TRIM9: variants seen among roughly 807,000 people sequenced by gnomAD.
The protein encoded by TRIM9 is E3 ubiquitin-protein ligase TRIM9.
A neutral mutation model predicts 78.3 loss-of-function variants in TRIM9; 26 were observed. The ratio of observed to expected loss-of-function variants is 0.33; its 90% CI spans 0.24 to 0.46. The LOEUF is 0.46. TRIM9 is among the 20% of genes least tolerant of loss of function. TRIM9 has a pLI of 1.00. For synonymous variants in TRIM9, 398 were observed against 416.5 expected, an observed-to-expected ratio of 0.96 and a Z score of 0.54; for missense variants, 787 against 1,036.4, an observed-to-expected ratio of 0.76 and a Z score of 3.30.
rs2051114893 is a variant in TRIM9 at position 50,976,699 on chromosome 14, T to C, written c.*592A>G. On this transcript the variant is annotated 3_prime_UTR_variant, in exon 13 of 13. Coordinates refer to ENST00000684578, the MANE Select transcript of TRIM9 (RefSeq NM_001387360.1). The stretch of plus-strand genomic sequence containing the variant: ...CCCTGATGTGAACCTGTGTAGCGGA[T>C]ATTTTTGTGCTTCAATGAGTAGTAA... The C allele has an allele frequency of 6.6e-6, 1 of 152,670 alleles. No individual in the cohort carries two copies. Among genetic ancestry groups the C allele is most frequent in the Non-Finnish European group, 1.5e-5 (1 of 68,044 alleles). 9.5% of individuals were successfully genotyped at this position (152,670 alleles called of 1,614,324 possible).
At chr14:51,040,182 T>A (rs1167795772) in intron 1 of TRIM9, among the ~76,000 whole-genome samples, 1 of 152,234 alleles carries the variant, frequency 6.6e-6, no homozygotes, top group African/African-American at 2.4e-5. Flanking sequence ...TCGGATGGTC[T>A]TATATTTTCA....
chr14:51,057,349 T>C (rs1473883741), intron 1 of TRIM9, among the ~76,000 whole-genome samples: 3 of 152,202 alleles, frequency 2.0e-5, no homozygotes, highest in African/African-American at 7.2e-5. Context: ...AATTACCAAA[T>C]TACCAAAGTA....
chr14:51,060,472 CT>C (rs990583157), intron 1 of TRIM9, among the ~76,000 whole-genome samples: 1 of 149,530 alleles, frequency 6.7e-6, no homozygotes, highest in Non-Finnish European at 1.5e-5. Flanking sequence ...TATTCATTCT[CT>C]TTTTTTTTTC....
At chr14:51,093,747 C>T (rs1394079355) in intron 1 of TRIM9, among the ~76,000 whole-genome samples, 3 of 152,364 alleles carry the variant, frequency 2.0e-5, no homozygotes, top group African/African-American at 7.2e-5. Flanking sequence ...CTCGAGCGTG[C>T]CTAGCGGCCC....
rs570626049 is a variant in TRIM9 at position 50,997,501 on chromosome 14, G to A, written c.1603+549C>T. ...ACGGCCTCCGCTTTGGGTATGAAACGGAGGCAGTCTAAGTGGGTAAGCCAG... is the reference window on the plus strand; with the variant it reads ...ACGGCCTCCGCTTTGGGTATGAAACAGAGGCAGTCTAAGTGGGTAAGCCAG... On this transcript the variant is annotated intron_variant, in intron 7 of 12. Transcript: ENST00000684578. 158 of 985,768 alleles carry A rather than the reference G, an allele frequency of 1.6e-4. 3 individuals are homozygous for A. The South Asian group carries it at 4.6e-3, about 28-fold the overall frequency. The allele number at this position is 985,768 out of a possible 1,614,324, so 61.1% of individuals were successfully genotyped here. A position where few individuals can be genotyped will look rare whatever the true frequency, so the allele number is the denominator to read the frequency against.
chr14:51,077,068 C>T (rs2062847941), intron 1 of TRIM9, among the ~76,000 whole-genome samples: 1 of 152,212 alleles, frequency 6.6e-6, no homozygotes, highest in African/African-American at 2.4e-5. Flanking sequence ...CTGCCATGCT[C>T]ATTCTATTTC....
At chr14:51,027,990 G>A (rs1566593860) in intron 1 of TRIM9, among the ~76,000 whole-genome samples, 1 of 152,176 alleles carries the variant, frequency 6.6e-6, no homozygotes, top group Admixed American at 6.5e-5. Context: ...CTGGTGTCTT[G>A]TATTCCAACC....
At chr14:51,088,584 C>T (rs1416801381) in intron 1 of TRIM9, among the ~76,000 whole-genome samples, 1 of 152,000 alleles carries the variant, frequency 6.6e-6, no homozygotes, top group Non-Finnish European at 1.5e-5. Context: ...TTCAGGACCT[C>T]CCTGTCTGGC....
intron 1 of TRIM9, among the ~76,000 whole-genome samples, chr14:51,070,813 T>C (rs935296314): frequency 6.6e-5 from 10 of 152,234 alleles, no homozygotes; most frequent in African/African-American, 2.2e-4. Context: ...ACTATTCCTG[T>C]TATTCCTGTG....
At chr14:51,037,873 T>C (rs1371696700) in intron 1 of TRIM9, among the ~76,000 whole-genome samples, 1 of 152,132 alleles carries the variant, frequency 6.6e-6, no homozygotes, top group Admixed American at 6.5e-5. Flanking sequence ...TCTTGTTACA[T>C]GTACACCATT....
Position 50,979,376 on chromosome 14 carries a change from A to G in TRIM9, c.2325+11T>C, listed in dbSNP as rs199645165. On this transcript the variant is annotated intron_variant, in intron 12 of 12. Transcript: ENST00000684578. ...GCAACAGCTGTTTAACCTCAGGGGC[A>G]GGGTGCTTACCTGCACGTTCCTGTT... 3 of 1,614,198 alleles carry G rather than the reference A, an allele frequency of 1.9e-6. No individual in the cohort carries two copies. In the East Asian group the frequency reaches 6.7e-5, roughly 36 times the overall value.
chr14:51,053,609 T>TTA (rs2060641467), intron 1 of TRIM9, among the ~76,000 whole-genome samples: 1 of 136,850 alleles, frequency 7.3e-6, no homozygotes, highest in African/African-American at 2.7e-5. Context: ...TTTTTTTTTT[T>TTA]ATTATACTCT....
intron 7 of TRIM9, chr14:50,996,186 T>G: frequency 1.0e-6 from 1 of 984,980 alleles, no homozygotes; most frequent in Non-Finnish European, 1.2e-6. Context: ...ACATACCTTA[T>G]ATTTGTACAC....
intron 5 of TRIM9, 69 bp from the exon 6 acceptor site, chr14:51,000,909 G>T (rs2054897893): frequency 6.3e-7 from 1 of 1,576,324 alleles, no homozygotes; most frequent in Admixed American, 1.7e-5. Context: ...AGAATGACAA[G>T]CATCCCCCTG....
chr14:51,094,480 C>T lies in TRIM9; in HGVS notation c.460G>A (p.Val154Ile). The stretch of plus-strand genomic sequence containing the variant: ...TTGCTCTGCTGGTAGCGGTCAATTA[C>T]CCCTTCCAGTACGCGATTCTTGGGG... The part of the protein sequence containing the change: ...GFPKNRVLEG[V>I]IDRYQQSKAA... The change falls in exon 1 of 13, where the codon GTA becomes ATA. Residue 154 changes from valine (V) to isoleucine (I), a missense_variant. Physicochemically the swap from Val to Ile is conservative, Grantham distance 29. Around this residue, in one of 3 missense-constraint regions of TRIM9, gnomAD observed 352 missense variants for 472.3 expected, o/e 0.75. Transcript: ENST00000684578. 3.7e-6 allele frequency: 6 copies of T among 1,613,810 alleles called. No homozygotes were observed. Among genetic ancestry groups the T allele is most frequent in the Non-Finnish European group, 5.1e-6 (6 of 1,179,970 alleles).
chr14:51,040,949 T>C (rs1331751142), intron 1 of TRIM9, among the ~76,000 whole-genome samples: 1 of 152,254 alleles, frequency 6.6e-6, no homozygotes, highest in Non-Finnish European at 1.5e-5. Flanking sequence ...ATAGCTTCTA[T>C]AATAGATTTA....
At chr14:51,059,802 A>AC (rs1228185758) in intron 1 of TRIM9, among the ~76,000 whole-genome samples, 5 of 151,674 alleles carry the variant, frequency 3.3e-5, no homozygotes, top group African/African-American at 7.2e-5. Flanking sequence ...TGTCTCAAAA[A>AC]AAAAAAAACA....
intron 1 of TRIM9, among the ~76,000 whole-genome samples, chr14:51,062,697 G>C (rs766906505): frequency 3.3e-5 from 5 of 152,208 alleles, no homozygotes; most frequent in Non-Finnish European, 5.9e-5. Context: ...GAAATTGAGA[G>C]GGGAATCCTT....
At chr14:51,041,524 A>G (rs2059577436) in intron 1 of TRIM9, among the ~76,000 whole-genome samples, 1 of 152,226 alleles carries the variant, frequency 6.6e-6, no homozygotes, top group Non-Finnish European at 1.5e-5. Flanking sequence ...ATCTCATAGC[A>G]AATGACAAGG....
Sources: gnomAD v4.1 joint callset for allele counts (sites outside exome capture counted in the v4.1 genomes callset) on GRCh38, gnomAD v4.1.1 for gene constraint, gnomAD v4.1.1 regional missense constraint, MANE v1.5 for transcripts, NCBI Gene and HGNC (gene_info 2026-07-23, HGNC 2026-07-21) for gene names.